Variants in FGF2 observed in about 807,000 individuals in gnomAD.
FGF2 encodes the protein basic fibroblast growth factor bFGF.
FGF2 carries 13 observed loss-of-function variants against 15.9 expected under a neutral mutation model. That is an observed-to-expected ratio of 0.82 (90% CI 0.53 to 1.30). FGF2 has a LOEUF of 1.30. FGF2 is among the 50% of genes most tolerant of loss of function. The pLI is 0.00. For synonymous variants in FGF2, 90 were observed against 78.4 expected (o/e 1.15, Z -0.78); for missense variants, 163 against 196.9 (o/e 0.83, Z 1.03).
At chr4:122,830,786 T>C (rs1725747000) in intron 1 of FGF2, among the ~76,000 whole-genome samples, 1 of 138,676 alleles carries the variant, frequency 7.2e-6, no homozygotes, top group Admixed American at 7.9e-5. Context: ...GTACACTTAG[T>C]ATTCAATTTA....
chr4:122,847,623 A>ATCTC (rs781108405), intron 1 of FGF2, among the ~76,000 whole-genome samples: 1 of 142,174 alleles, frequency 7.0e-6, no homozygotes. Flanking sequence ...CTATCTATCT[A>ATCTC]TCTATCTATC....
chr4:122,850,888 CT>C (rs1291525337), intron 1 of FGF2, among the ~76,000 whole-genome samples: 1 of 152,156 alleles, frequency 6.6e-6, no homozygotes, highest in Non-Finnish European at 1.5e-5. Flanking sequence ...AAACTATTTC[CT>C]TTACTACCTG....
intron 1 of FGF2, among the ~76,000 whole-genome samples, chr4:122,859,951 A>G (rs1726427576): frequency 6.6e-6 from 1 of 152,186 alleles, no homozygotes; most frequent in South Asian, 2.1e-4. Context: ...ACCATTTGAT[A>G]CTGAAGGTCT....
At chr4:122,858,192 G>A (rs771731922) in intron 1 of FGF2, among the ~76,000 whole-genome samples, 2 of 152,108 alleles carry the variant, frequency 1.3e-5, no homozygotes, top group Non-Finnish European at 2.9e-5. Context: ...AGAATGGAAT[G>A]TGTGGTTTTG....
chr4:122,826,750 GGGA>G (rs768173442), upstream of FGF2: 6 of 1,286,920 alleles, frequency 4.7e-6, no homozygotes, highest in Admixed American at 1.7e-4. Flanking sequence ...GCGCGCAGGA[GGGA>G]GGAGAACTGG....
intron 1 of FGF2, among the ~76,000 whole-genome samples, chr4:122,847,289 T>C (rs1345878410): frequency 6.6e-6 from 1 of 152,132 alleles, no homozygotes. Flanking sequence ...CACGGAACAA[T>C]GACTTGGGAG....
intron 2 of FGF2, among the ~76,000 whole-genome samples, chr4:122,884,990 A>G (rs1401025354): frequency 6.6e-6 from 1 of 152,168 alleles, no homozygotes; most frequent in African/African-American, 2.4e-5. Context: ...TGAAAATACA[A>G]GTTAGTTAGG....
At position 122,827,201 on chromosome 4, in the gene FGF2, G is replaced by A. The variant is rs747641782; in HGVS notation, c.27G>A (p.Leu9=). ...TGGCAGCCGGGAGCATCACCACGCT[G>A]CCCGCCTTGCCCGAGGATGGCGGCA... The part of the protein sequence containing the change: MAAGSITT[L]PALPEDGGSG... The change falls in exon 1 of 3, where the codon CTG becomes CTA. Residue 9 remains leucine, a synonymous_variant. Coordinates refer to ENST00000644866, the MANE Select transcript of FGF2 (RefSeq NM_001361665.2). The surrounding 1 kb of genome is among the most constrained non-coding windows in gnomAD (Gnocchi z 4.2). 56 of 1,604,900 alleles carry A rather than the reference G, an allele frequency of 3.5e-5. No homozygotes were observed. In the African/African-American group the frequency reaches 6.6e-4, roughly 19 times the overall value.
At chr4:122,850,356 G>A (rs189040148) in intron 1 of FGF2, among the ~76,000 whole-genome samples, 1 of 152,246 alleles carries the variant, frequency 6.6e-6, no homozygotes, top group East Asian at 1.9e-4. Context: ...GTACTTGGGA[G>A]GGCCAGACTC....
intron 1 of FGF2, among the ~76,000 whole-genome samples, chr4:122,868,366 C>A (rs895258662): frequency 2.0e-5 from 3 of 152,064 alleles, no homozygotes; most frequent in Non-Finnish European, 4.4e-5. Flanking sequence ...AGAGAACATG[C>A]GGTATTTGGT....
At position 122,893,215 on chromosome 4, in the gene FGF2, C is replaced by A. The variant is rs200650453; in HGVS notation, c.*819C>A. 3 of 1,602,752 alleles carry A rather than the reference C, an allele frequency of 1.9e-6. No homozygotes were observed. The highest frequency in any genetic ancestry group is 2.6e-6 in the Non-Finnish European group (3 of 1,172,984). On this transcript the variant is annotated 3_prime_UTR_variant, in exon 3 of 3. Transcript: ENST00000644866. ...CAGTCTCTTCAAAAACTTCTCGAAC[C>A]GCTGTGTCTCCTACGTAAAAAAAGA...
At chr4:122,847,674 C>G (rs1003695610) in intron 1 of FGF2, among the ~76,000 whole-genome samples, 1 of 151,968 alleles carries the variant, frequency 6.6e-6, no homozygotes, top group Non-Finnish European at 1.5e-5. Context: ...ACCTACCTAC[C>G]TAGAGGGATT....
At chr4:122,845,751 G>A (rs113594616) in intron 1 of FGF2, among the ~76,000 whole-genome samples, 3,819 of 152,308 alleles carry the variant, frequency 0.025, 179 homozygotes, top group African/African-American at 0.086. Context: ...GCTTTGGCAT[G>A]AGGGAATGTT....
At chr4:122,876,991 T>A (rs1452949691) in intron 2 of FGF2, among the ~76,000 whole-genome samples, 2 of 152,212 alleles carry the variant, frequency 1.3e-5, no homozygotes, top group African/African-American at 4.8e-5. Flanking sequence ...TATCAGAATT[T>A]AATTAGATAC....
At chr4:122,855,598 G>A (rs539867254) in intron 1 of FGF2, among the ~76,000 whole-genome samples, 4 of 152,254 alleles carry the variant, frequency 2.6e-5, no homozygotes, top group Admixed American at 6.5e-5. Context: ...CTAAACCATG[G>A]CACTTCCACC....
rs374332071 is a variant in FGF2 at position 122,827,309 on chromosome 4, C to G, written c.135C>G (p.Pro45=). Residue 45 remains proline, a synonymous_variant, in exon 1 of 3, where the codon CCC becomes CCG. Coordinates refer to ENST00000644866, the MANE Select transcript of FGF2 (RefSeq NM_001361665.2). This position sits in a 1 kb window ranked among gnomAD's most constrained non-coding sequence, Gnocchi z 4.2. The part of the protein sequence containing the change: ...KNGGFFLRIH[P]DGRVDGVREK... ...GGGGCTTCTTCCTGCGCATCCACCCCGACGGCCGAGTTGACGGGGTCCGGG... is the reference window on the plus strand; with the variant it reads ...GGGGCTTCTTCCTGCGCATCCACCCGGACGGCCGAGTTGACGGGGTCCGGG... 2.5e-6 allele frequency: 4 copies of G among 1,612,894 alleles called. No homozygotes were observed. The highest frequency in any genetic ancestry group is 2.7e-5 in the African/African-American group (2 of 74,924).
At chr4:122,882,221 A>T (rs1726974319) in intron 2 of FGF2, 3 of 152,194 alleles carry the variant, frequency 2.0e-5, no homozygotes, top group Non-Finnish European at 4.4e-5. Context: ...TTGCCGGTGG[A>T]ATTTTTCATC....
chr4:122,826,824 G>C, upstream of FGF2: 1 of 1,463,130 alleles, frequency 6.8e-7, no homozygotes, highest in African/African-American at 1.4e-5. Flanking sequence ...GCCGCGGCCC[G>C]GCGGGTGCCA....
At position 122,893,192 on chromosome 4, in the gene FGF2, G is replaced by A. The variant is rs778205008; in HGVS notation, c.*796G>A. On this transcript the variant is annotated 3_prime_UTR_variant, in exon 3 of 3. Transcript: ENST00000644866. ...GGACCTGAATTCTGATTTTATACCA[G>A]TCTCTTCAAAAACTTCTCGAACCGC... The A allele has an allele frequency of 6.2e-7, 1 of 1,611,614 alleles. No individual in the cohort carries two copies. The highest frequency in any genetic ancestry group is 8.5e-7 in the Non-Finnish European group (1 of 1,178,622).
Sources: allele counts gnomAD v4.1 joint callset (sites outside exome capture counted in the v4.1 genomes callset), GRCh38; gene constraint gnomAD v4.1.1; non-coding constraint Gnocchi (gnomAD v3.1); transcripts MANE v1.5; gene names NCBI Gene and HGNC (gene_info 2026-07-23, HGNC 2026-07-21).